The following DOCK2 variants were observed in gnomAD, a reference collection of about 807,000 sequenced individuals.
DOCK2 encodes dedicator of cytokinesis protein 2.
In DOCK2, 87 loss-of-function variants were observed where a neutral mutation model predicts 248.9. The ratio of observed to expected loss-of-function variants is 0.35; its 90% CI spans 0.29 to 0.42. DOCK2 has a LOEUF of 0.42. DOCK2 is among the 10% of genes least tolerant of loss of function. DOCK2 has a pLI of 1.00. For missense variants in DOCK2, 1,747 were observed against 2,300.2 expected (o/e 0.76, Z 4.92); for synonymous variants, 805 against 821.6 (o/e 0.98, Z 0.35).
intron 29 of DOCK2, among the ~76,000 whole-genome samples, chr5:169,987,090 G>A (rs1459162715): frequency 6.6e-6 from 1 of 152,202 alleles, no homozygotes; most frequent in African/African-American, 2.4e-5. Context: ...GCAATGTAGG[G>A]AATCTGTGTG....
Position 169,759,670 on chromosome 5 carries a change from G to A in DOCK2, c.2377-35G>A, listed in dbSNP as rs1344115859. ...TTTGCCAGCACAGACTTGTTGATGTGAGGATCACTTATATGTATTTTACAT... is the reference window on the plus strand; with the variant it reads ...TTTGCCAGCACAGACTTGTTGATGTAAGGATCACTTATATGTATTTTACAT... On this transcript the variant is annotated intron_variant, in intron 23 of 51. Coordinates refer to ENST00000520908, the MANE Select transcript of DOCK2 (RefSeq NM_004946.3). 8 of 1,612,202 alleles carry A rather than the reference G, an allele frequency of 5.0e-6. No homozygotes were observed. In the African/African-American group the frequency reaches 9.3e-5, roughly 19 times the overall value.
intron 27 of DOCK2, among the ~76,000 whole-genome samples, chr5:169,937,171 C>G (rs972567318): frequency 6.6e-6 from 1 of 152,210 alleles, no homozygotes; most frequent in African/African-American, 2.4e-5. Context: ...GTATAGTTGT[C>G]CAGAGCTGCT....
rs1418001994 is a variant in DOCK2 at position 169,936,606 on chromosome 5, TAGC to T, written c.2800-46459_2800-46457del. ...TTTTTTTTTTTTTTTTTTTATGAAT[TAGC>T]AGATCCTTGGATTTCACTGGAGAAA... On this transcript the variant is annotated intron_variant, in intron 27 of 51. Coordinates refer to ENST00000520908, the MANE Select transcript of DOCK2 (RefSeq NM_004946.3). 4.8e-5 allele frequency among the ~76,000 whole-genome samples: 7 copies of T among 144,598 alleles called. No homozygotes were observed. The South Asian group carries it at 1.3e-3, about 27-fold the overall frequency. 94.9% of individuals were successfully genotyped at this position (144,598 alleles called of 152,430 possible).
At chr5:169,887,118 C>A (rs1295902686) in intron 27 of DOCK2, among the ~76,000 whole-genome samples, 2 of 152,168 alleles carry the variant, frequency 1.3e-5, no homozygotes, top group Non-Finnish European at 2.9e-5. Context: ...CACCATTGGG[C>A]CTTCCTGCCT....
Position 169,714,036 on chromosome 5 carries a change from C to T in DOCK2, c.1668C>T (p.Ser556=), listed in dbSNP as rs139368328. The T allele has an allele frequency of 1.9e-6, 3 of 1,596,476 alleles. No homozygotes were observed. The highest frequency in any genetic ancestry group is 1.7e-6 in the Non-Finnish European group (2 of 1,168,538). Residue 556 remains serine, a synonymous_variant, in exon 18 of 52, where the codon AGC becomes AGT. Transcript: ENST00000520908. ...FHDLVVLKGD[S]KKMEDASAYL... Reference sequence around the variant, plus strand: ...CCAAGTGTTGTTTCCAGGGGGACAGCAAGAAGATGGAGGATGCCAGCGCAT... The same window carrying T: ...CCAAGTGTTGTTTCCAGGGGGACAGTAAGAAGATGGAGGATGCCAGCGCAT...
In DOCK2 at chr5:170,076,017, A is replaced by T; in HGVS notation, c.4799A>T (p.Asp1600Val). The T allele has an allele frequency of 6.2e-7, 1 of 1,614,052 alleles. No individual in the cohort carries two copies. The highest frequency in any genetic ancestry group is 8.5e-7 in the Non-Finnish European group (1 of 1,179,986). Residue 1600 changes from aspartate to valine, a missense_variant, in exon 47 of 52, where the codon GAC becomes GTC. Physicochemically the swap from Asp to Val is radical, Grantham distance 152. This residue lies in a region of DOCK2 where 513 missense variants were observed against 586.1 expected (regional missense o/e 0.88). Transcript: ENST00000520908. Reference sequence around the variant, plus strand: ...TCAGATAACTTGCGACCCTTCCATGACCGGATGGAGGAATGTTTCAAGAAC... The same window carrying T: ...TCAGATAACTTGCGACCCTTCCATGTCCGGATGGAGGAATGTTTCAAGAAC... ...RVSDNLRPFH[D>V]RMEECFKNLK...
chr5:170,040,219 A>G (rs112728741), intron 36 of DOCK2, among the ~76,000 whole-genome samples: 4,096 of 152,326 alleles, frequency 0.027, 191 homozygotes, highest in African/African-American at 0.094. Flanking sequence ...ACAGATGAGC[A>G]AACTAAGGCA....
At chr5:169,693,609 G>T (rs144991394) in intron 9 of DOCK2, among the ~76,000 whole-genome samples, 1 of 152,228 alleles carries the variant, frequency 6.6e-6, no homozygotes, top group African/African-American at 2.4e-5. Flanking sequence ...AAATAATTGG[G>T]ATCTCAAATT....
At chr5:169,852,977 C>T (rs1370155959) in intron 27 of DOCK2, among the ~76,000 whole-genome samples, 1 of 152,128 alleles carries the variant, frequency 6.6e-6, no homozygotes, top group Non-Finnish European at 1.5e-5. Context: ...GGCTGTGTCC[C>T]CACCCAAATC....
rs1766044992 is a variant in DOCK2 at position 169,787,278 on chromosome 5, A to G, written c.2555-15780A>G. Among the ~76,000 whole-genome samples, 3 of 152,270 alleles carry G rather than the reference A, an allele frequency of 2.0e-5. 1 individual carries two copies. The highest frequency in any genetic ancestry group is 4.2e-4 in the South Asian group (2 of 4,818). On this transcript the variant is annotated intron_variant, in intron 25 of 51. Transcript: ENST00000520908. ...ACATTTCCTTCCATTCCTCTTCTTC[A>G]TAGTCCAGTTTATCATTCCACCTTG...
intron 26 of DOCK2, among the ~76,000 whole-genome samples, chr5:169,819,232 C>A (rs1378512413): frequency 1.3e-5 from 2 of 152,188 alleles, no homozygotes; most frequent in Admixed American, 1.3e-4. Context: ...ATCACTTGAA[C>A]CTGGGAGGCA....
intron 22 of DOCK2, among the ~76,000 whole-genome samples, chr5:169,732,874 A>T (rs1379322503): frequency 6.6e-6 from 1 of 152,212 alleles, no homozygotes; most frequent in Non-Finnish European, 1.5e-5. Flanking sequence ...TAAATATAGA[A>T]CATTTTGTAC....
intron 35 of DOCK2, 117 bp downstream of exon 35, chr5:170,034,672 A>C: frequency 2.1e-6 from 3 of 1,399,508 alleles, no homozygotes; most frequent in Non-Finnish European, 2.8e-6. Flanking sequence ...TTTGGAAAGC[A>C]GACAAATGTG....
intron 27 of DOCK2, among the ~76,000 whole-genome samples, chr5:169,953,798 A>C (rs1376011436): frequency 6.6e-6 from 1 of 152,204 alleles, no homozygotes; most frequent in Non-Finnish European, 1.5e-5. Flanking sequence ...CAAGCATTGT[A>C]TATGGTAAGG....
At chr5:169,785,298 T>C (rs1765926062) in intron 25 of DOCK2, among the ~76,000 whole-genome samples, 1 of 152,224 alleles carries the variant, frequency 6.6e-6, no homozygotes, top group Admixed American at 6.5e-5. Context: ...TTTTAAGATA[T>C]TTTATACCTT....
intron 9 of DOCK2, among the ~76,000 whole-genome samples, chr5:169,691,273 C>G (rs1231811968): frequency 6.6e-6 from 1 of 152,142 alleles, no homozygotes; most frequent in Non-Finnish European, 1.5e-5. Flanking sequence ...TAAGAAAGCA[C>G]CCCCATGATC....
intron 27 of DOCK2, among the ~76,000 whole-genome samples, chr5:169,957,475 G>A (rs1338107143): frequency 6.6e-6 from 1 of 152,156 alleles, no homozygotes; most frequent in African/African-American, 2.4e-5. Context: ...GCCCTGTAAG[G>A]AGAAGTATAC....
Position 169,700,096 on chromosome 5 carries a change from C to G in DOCK2, c.1215C>G (p.Thr405=). The G allele has an allele frequency of 1.2e-6, 2 of 1,613,944 alleles. No individual in the cohort carries two copies. Among genetic ancestry groups the G allele is most frequent in the African/African-American group, 1.3e-5 (1 of 75,040 alleles). Residue 405 remains threonine, a synonymous_variant, in exon 13 of 52, where the codon ACC becomes ACG. Coordinates refer to ENST00000520908, the MANE Select transcript of DOCK2 (RefSeq NM_004946.3). ...ATCCACACCTGGTGGACAGGACCAC[C>G]GTGGTGGCCAGGAAGCTGGGATTCC... ...KDYPHLVDRT[T]VVARKLGFPE...
intron 1 of DOCK2, among the ~76,000 whole-genome samples, chr5:169,648,494 G>C (rs972823718): frequency 5.9e-5 from 9 of 152,144 alleles, no homozygotes; most frequent in African/African-American, 2.2e-4. Flanking sequence ...TCATGATCCA[G>C]CAAGAGGCCT....
Sources: allele counts gnomAD v4.1 joint callset (sites outside exome capture counted in the v4.1 genomes callset), GRCh38; gene constraint gnomAD v4.1.1; regional missense constraint gnomAD v4.1.1; transcripts MANE v1.5; gene names NCBI Gene and HGNC (gene_info 2026-07-23, HGNC 2026-07-21).